The following WDR20 variants were observed in gnomAD, a reference collection of about 807,000 sequenced individuals.
WDR20 encodes WD repeat-containing protein 20.
A neutral mutation model predicts 38.7 loss-of-function variants in WDR20; 3 were observed. The observed-to-expected ratio is 0.08, with a 90% CI of 0.04 to 0.20. WDR20 has a LOEUF of 0.20. Among genes scored for constraint, WDR20 ranks in the 10% least tolerant of loss-of-function variants. WDR20 has a pLI of 1.00. For missense variants in WDR20, 559 were observed against 727.7 expected (o/e 0.77, Z 2.67); for synonymous variants, 298 against 285.6 (o/e 1.04, Z -0.44).
intron 1 of WDR20, among the ~76,000 whole-genome samples, chr14:102,161,278 G>T (rs1045060348): frequency 1.4e-5 from 2 of 143,578 alleles, no homozygotes; most frequent in Non-Finnish European, 3.0e-5. Context: ...AGCCTCCCAA[G>T]TAGCTGGAAT....
chr14:102,158,116 T>C (rs888317506), intron 1 of WDR20, among the ~76,000 whole-genome samples: 2 of 152,066 alleles, frequency 1.3e-5, no homozygotes, highest in Non-Finnish European at 2.9e-5. Context: ...GTATACACAC[T>C]CGATCCCAGT....
downstream of WDR20, among the ~76,000 whole-genome samples, chr14:102,216,912 G>T (rs1374956193): frequency 6.6e-6 from 1 of 152,138 alleles, no homozygotes; most frequent in African/African-American, 2.4e-5. Flanking sequence ...CAGCCTGGGC[G>T]ACAGAGCGAG....
intron 2 of WDR20, among the ~76,000 whole-genome samples, chr14:102,200,202 C>G (rs2060062108): frequency 6.6e-6 from 1 of 152,254 alleles, no homozygotes. Flanking sequence ...ATCCCCAGCT[C>G]CCTGGAGTCT....
chr14:102,155,766 A>C (rs2057218290), intron 1 of WDR20, among the ~76,000 whole-genome samples: 1 of 152,010 alleles, frequency 6.6e-6, no homozygotes, highest in African/African-American at 2.4e-5. Context: ...TTATCAATGA[A>C]AATCACAGAC....
At chr14:102,193,893 G>A (rs77813221) in intron 1 of WDR20, among the ~76,000 whole-genome samples, 1 of 152,154 alleles carries the variant, frequency 6.6e-6, no homozygotes, top group South Asian at 2.1e-4. Flanking sequence ...AGAGTGGGAG[G>A]GGGTGGGTTT....
downstream of WDR20, chr14:102,214,134 C>A: frequency 2.0e-6 from 2 of 985,642 alleles, no homozygotes; most frequent in Non-Finnish European, 2.4e-6. Flanking sequence ...GCAGTGAGAA[C>A]CTCCACATGC....
At chr14:102,149,900 G>A (rs1182363343) in intron 1 of WDR20, among the ~76,000 whole-genome samples, 1 of 151,992 alleles carries the variant, frequency 6.6e-6, no homozygotes, top group East Asian at 1.9e-4. Flanking sequence ...CACTGTATTG[G>A]CCAGGCTGGT....
At chr14:102,147,807 T>C (rs1005859149) in intron 1 of WDR20, among the ~76,000 whole-genome samples, 5 of 152,330 alleles carry the variant, frequency 3.3e-5, no homozygotes, top group African/African-American at 1.2e-4. Context: ...CTTGGTTCAC[T>C]GCAACCTCTG....
intron 1 of WDR20, among the ~76,000 whole-genome samples, chr14:102,143,208 C>A (rs917859773): frequency 6.6e-6 from 1 of 152,152 alleles, no homozygotes; most frequent in Admixed American, 6.5e-5. Context: ...AGAGACTGAT[C>A]CACCTTTTTG....
chr14:102,199,991 T>A (rs75197191), intron 2 of WDR20, among the ~76,000 whole-genome samples: 6,802 of 152,314 alleles, frequency 0.045, 180 homozygotes, highest in Middle Eastern at 0.068. Context: ...ACACCTTCCA[T>A]TGGGGGTGAA....
chr14:102,192,181 ATTTT>A (rs761284711), intron 1 of WDR20, among the ~76,000 whole-genome samples: 1 of 143,154 alleles, frequency 7.0e-6, no homozygotes, highest in African/African-American at 2.6e-5. Flanking sequence ...ATTTACCTGA[ATTTT>A]TTTTTTTTTT....
intron 1 of WDR20, among the ~76,000 whole-genome samples, chr14:102,187,133 T>TG (rs1289246231): frequency 6.6e-6 from 1 of 152,090 alleles, no homozygotes; most frequent in African/African-American, 2.4e-5. Flanking sequence ...TTGTCTGAGA[T>TG]GTGGTCAAGA....
chr14:102,188,615 C>G (rs1337942892), intron 1 of WDR20, among the ~76,000 whole-genome samples: 1 of 152,006 alleles, frequency 6.6e-6, no homozygotes, highest in Non-Finnish European at 1.5e-5. Flanking sequence ...CATCTGTAAT[C>G]CCAGCACTTT....
downstream of WDR20, chr14:102,224,628 T>C (rs1284638258): frequency 1.1e-5 from 5 of 455,926 alleles, no homozygotes; most frequent in Admixed American, 7.0e-5. Flanking sequence ...TGCTACATTT[T>C]CACCATTTGT....
intron 1 of WDR20, among the ~76,000 whole-genome samples, chr14:102,182,209 A>G (rs1215741067): frequency 3.9e-5 from 6 of 152,304 alleles, no homozygotes; most frequent in African/African-American, 1.2e-4. Flanking sequence ...TAAACTTGGA[A>G]CAGATTGGAT....
Position 102,169,166 on chromosome 14 carries a change from G to A in WDR20, c.250-25772G>A, listed in dbSNP as rs142858059. Among the ~76,000 whole-genome samples the A allele has an allele frequency of 7.1e-3, 1,083 of 151,960 alleles. 15 individuals are homozygous for A. Among genetic ancestry groups the A allele is most frequent in the African/African-American group, 0.024 (1,010 of 41,422 alleles). The stretch of plus-strand genomic sequence containing the variant: ...CCCACCCGTGGAGCCAATGGTACAC[G>A]CTCTGCTTAGAATCCTTAGCCCCTC... On this transcript the variant is annotated intron_variant, in intron 1 of 2. Coordinates refer to ENST00000342702, the MANE Select transcript of WDR20 (RefSeq NM_144574.4).
chr14:102,224,601 G>A (rs1356589442), downstream of WDR20: 4 of 455,968 alleles, frequency 8.8e-6, no homozygotes. Context: ...TTACTTTCAG[G>A]CTTTTGAGGG....
chr14:102,139,910 C>T lies in WDR20; in HGVS notation c.-14C>T, dbSNP rs371409567. On this transcript the variant is annotated 5_prime_UTR_variant, in exon 1 of 3. The change creates a new upstream start codon in the 5' untranslated region. Coordinates refer to ENST00000342702, the MANE Select transcript of WDR20 (RefSeq NM_144574.4). ...ATCCGGGCACTTAGGGCAGGATGAA[C>T]GCTGCTTTCCAAGATGGCGACGGAG... 30 of 1,610,814 alleles carry T rather than the reference C, an allele frequency of 1.9e-5. No homozygotes were observed. Among genetic ancestry groups the T allele is most frequent in the Non-Finnish European group, 2.5e-5 (29 of 1,177,388 alleles).
intron 2 of WDR20, among the ~76,000 whole-genome samples, chr14:102,200,509 T>TGTGTGTG (rs2060218486): frequency 7.8e-6 from 1 of 128,102 alleles, no homozygotes; most frequent in African/African-American, 3.0e-5. Context: ...GTGTGTGTGT[T>TGTGTGTG]TCACTCTGCC....
Sources: allele counts gnomAD v4.1 joint callset (sites outside exome capture counted in the v4.1 genomes callset), GRCh38; gene constraint gnomAD v4.1.1; transcripts MANE v1.5; gene names NCBI Gene and HGNC (gene_info 2026-07-23, HGNC 2026-07-21).